PLCG2: variants seen among roughly 807,000 people sequenced by gnomAD.
PLCG2 encodes 1-phosphatidylinositol 4,5-bisphosphate phosphodiesterase gamma-2.
In PLCG2, 69 loss-of-function variants were observed where a neutral mutation model predicts 175.6. The ratio of observed to expected loss-of-function variants is 0.39; its 90% confidence interval spans 0.32 to 0.48. The LOEUF is 0.48. Among genes scored for constraint, PLCG2 ranks in the 20% least tolerant of loss-of-function variants. The pLI is 0.91. For synonymous variants in PLCG2, 827 were observed against 624.0 expected (o/e 1.33, Z -4.85); for missense variants, 1,798 against 1,650.9 (o/e 1.09, Z -1.54).
intron 2 of PLCG2, among the ~76,000 whole-genome samples, chr16:81,853,927 T>G (rs1344409829): frequency 6.6e-6 from 1 of 152,154 alleles, no homozygotes; most frequent in African/African-American, 2.4e-5. Flanking sequence ...TTATTATTTT[T>G]AATTTGAATC....
Position 81,910,685 on chromosome 16 carries a change from C to T in PLCG2, c.1899C>T (p.Asp633=). 1 of 1,612,284 alleles carries T rather than the reference C, an allele frequency of 6.2e-7. No individual in the cohort carries two copies. Among genetic ancestry groups the T allele is most frequent in the Non-Finnish European group, 8.5e-7 (1 of 1,179,992 alleles). The change falls in exon 18 of 33, where the codon GAC becomes GAT. Residue 633 remains aspartate, a synonymous_variant. Transcript: ENST00000564138. Reference sequence around the variant, plus strand: ...CCGAGTTCGAGCTGCGGCTCACGGACCCTGTGCCCAACCCCAACCCCCACG... The same window carrying T: ...CCGAGTTCGAGCTGCGGCTCACGGATCCTGTGCCCAACCCCAACCCCCACG... ...RCAEFELRLT[D]PVPNPNPHES...
chr16:81,770,703 G>C (rs890992037), intron 2 of PLCG2, among the ~76,000 whole-genome samples: 24 of 152,110 alleles, frequency 1.6e-4, no homozygotes, highest in African/African-American at 5.3e-4. Context: ...TTGGGCTACA[G>C]AGTGAGACCC....
chr16:81,833,313 G>A (rs1241297247), intron 2 of PLCG2, among the ~76,000 whole-genome samples: 2 of 152,128 alleles, frequency 1.3e-5, no homozygotes, highest in East Asian at 1.9e-4. Context: ...GAGGACTGGG[G>A]CCTTCTTTCG....
chr16:81,899,287 TATAC>T (rs56017659), intron 13 of PLCG2, among the ~76,000 whole-genome samples: 33,252 of 142,100 alleles, frequency 0.23, 3,846 homozygotes, highest in South Asian at 0.29. Flanking sequence ...TATATATATA[TATAC>T]ACACACACAC....
intron 2 of PLCG2, among the ~76,000 whole-genome samples, chr16:81,821,039 A>G (rs1169596816): frequency 2.6e-5 from 4 of 151,920 alleles, no homozygotes; most frequent in Non-Finnish European, 5.9e-5. Context: ...TTACAGGTGC[A>G]CACCATCATG....
At chr16:81,912,073 A>G (rs1490200221) in intron 18 of PLCG2, among the ~76,000 whole-genome samples, 1 of 152,144 alleles carries the variant, frequency 6.6e-6, no homozygotes, top group Non-Finnish European at 1.5e-5. Context: ...CTGGGATTAC[A>G]GGCGTGAGCC....
chr16:81,905,488 T>A lies in PLCG2; in HGVS notation c.1448T>A (p.Met483Lys). The A allele has an allele frequency of 6.2e-7, 1 of 1,613,928 alleles. No homozygotes were observed. The highest frequency in any genetic ancestry group is 8.5e-7 in the Non-Finnish European group (1 of 1,179,786). The change falls in exon 15 of 33, where the codon ATG (methionine) becomes AAG (lysine). Residue 483 changes from methionine (M) to lysine (K), a missense_variant. Physicochemically the swap from Met to Lys is moderately conservative, Grantham distance 95. Transcript: ENST00000564138. ...DEHKQQGELY[M>K]WDSIDQKWTR... The stretch of plus-strand genomic sequence containing the variant: ...CACAAGCAACAGGGGGAGCTGTACA[T>A]GTGGGATTCCATTGACCAGGTGGGC...
At position 81,822,651 on chromosome 16, in the gene PLCG2, G is replaced by A. The variant is rs557349800; in HGVS notation, c.194-31793G>A. On this transcript the variant is annotated intron_variant, in intron 2 of 32. Coordinates refer to ENST00000564138, the MANE Select transcript of PLCG2 (RefSeq NM_002661.5). ...GTGTACCTGTAATCCCAGCTACTCA[G>A]AAGGCTGAGGCAGGAGAATCGCTTG... Among the ~76,000 whole-genome samples the A allele has an allele frequency of 2.8e-4, 42 of 151,222 alleles. No individual in the cohort carries two copies. The South Asian group carries it at 8.6e-3, about 31-fold the overall frequency.
intron 2 of PLCG2, among the ~76,000 whole-genome samples, chr16:81,827,910 G>A: frequency 6.6e-6 from 1 of 151,964 alleles, no homozygotes; most frequent in East Asian, 1.9e-4. Context: ...GATCAACATG[G>A]AGAAACCCCG....
chr16:81,924,999 C>A (rs1333317007), intron 22 of PLCG2, among the ~76,000 whole-genome samples: 1 of 152,252 alleles, frequency 6.6e-6, no homozygotes, highest in Non-Finnish European at 1.5e-5. Context: ...GGTCAACATC[C>A]TGGTGCGCAC....
rs4538005 is a variant in PLCG2, at chr16:81,958,498, G to A, written c.*500G>A. 3.0e-3 allele frequency: 705 copies of A among 235,986 alleles called. 7 individuals are homozygous for A. The highest frequency in any genetic ancestry group is 0.015 in the African/African-American group (674 of 45,372). The allele number at this position is 235,986 out of a possible 1,614,324, so 14.6% of individuals were successfully genotyped here. On this transcript the variant is annotated 3_prime_UTR_variant, in exon 33 of 33. Coordinates refer to ENST00000564138, the MANE Select transcript of PLCG2 (RefSeq NM_002661.5). ...GGCCCAAAGAGAAGCCCTACCCACA[G>A]GCAGCCTGCTCAGTTCAATGTACTT...
At chr16:81,901,164 C>T (rs563321115) in intron 14 of PLCG2, among the ~76,000 whole-genome samples, 34 of 152,306 alleles carry the variant, frequency 2.2e-4, no homozygotes, top group African/African-American at 6.0e-4. Context: ...CAGCCCCATG[C>T]GAGGTGCTGG....
chr16:81,884,651 C>T (rs1908266088), intron 9 of PLCG2, among the ~76,000 whole-genome samples: 1 of 151,862 alleles, frequency 6.6e-6, no homozygotes, highest in South Asian at 2.1e-4. Context: ...ACATATAAAT[C>T]TCAAATTTTT....
chr16:81,757,893 G>A (rs974865690), intron 2 of PLCG2, among the ~76,000 whole-genome samples: 3 of 151,674 alleles, frequency 2.0e-5, no homozygotes, highest in Non-Finnish European at 4.4e-5. Flanking sequence ...GACATTTCAT[G>A]TACATAGAAT....
At chr16:81,957,578 T>C (rs1911625707) in intron 32 of PLCG2, among the ~76,000 whole-genome samples, 1 of 152,164 alleles carries the variant, frequency 6.6e-6, no homozygotes, top group African/African-American at 2.4e-5. Context: ...TACAGGCATG[T>C]AATGGGGTGC....
At chr16:81,894,415 C>A (rs569046951) in intron 12 of PLCG2, among the ~76,000 whole-genome samples, 6 of 150,090 alleles carry the variant, frequency 4.0e-5, no homozygotes, top group African/African-American at 1.2e-4. Context: ...GGCAACAGAG[C>A]GAGACTCTGT....
At chr16:81,831,483 A>G (rs1905256324) in intron 2 of PLCG2, among the ~76,000 whole-genome samples, 1 of 152,180 alleles carries the variant, frequency 6.6e-6, no homozygotes, top group Admixed American at 6.5e-5. Flanking sequence ...ATGCCACGAA[A>G]CTGGCCCTCT....
At chr16:81,888,196 A>T (rs1908460544) in intron 9 of PLCG2, among the ~76,000 whole-genome samples, 2 of 152,168 alleles carry the variant, frequency 1.3e-5, no homozygotes, top group Non-Finnish European at 2.9e-5. Context: ...TGTTTGCACA[A>T]GCTGCCACGG....
Position 81,918,772 on chromosome 16 carries a change from G to C in PLCG2, c.2055-712G>C, listed in dbSNP as rs572662920. ...AAGACCCTCTTGGCTGTAAACTTAG[G>C]GTCAAAAATATTTTTCCAGATGTTT... On this transcript the variant is annotated intron_variant, in intron 19 of 32. Transcript: ENST00000564138. Among the ~76,000 whole-genome samples the C allele has an allele frequency of 5.9e-5, 9 of 152,142 alleles. No homozygotes were observed. The South Asian group carries it at 6.2e-4, about 11-fold the overall frequency.
Sources: gnomAD v4.1 joint callset for allele counts (sites outside exome capture counted in the v4.1 genomes callset) on GRCh38, gnomAD v4.1.1 for gene constraint, MANE v1.5 for transcripts, NCBI Gene and HGNC (gene_info 2026-07-23, HGNC 2026-07-21) for gene names.